The following NCKAP5 variants were observed in gnomAD, a reference collection of about 807,000 sequenced individuals.
The protein encoded by NCKAP5 is NCK associated protein 5, also known as nck-associated protein 5.
A neutral mutation model predicts 167.0 loss-of-function variants in NCKAP5; 92 were observed. That is an observed-to-expected ratio of 0.55 (90% CI 0.47 to 0.66). The LOEUF is 0.66. Among genes scored for constraint, NCKAP5 ranks in the 30% least tolerant of loss-of-function variants. The pLI, the probability that NCKAP5 is intolerant of heterozygous loss-of-function variation, is 0.00. For missense variants in NCKAP5, 2,378 were observed against 2,315.0 expected, an observed-to-expected ratio of 1.03 and a Z score of -0.56; for synonymous variants, 891 against 877.4, an observed-to-expected ratio of 1.02 and a Z score of -0.27.
At chr2:133,325,006 C>A (rs1682333955) in intron 3 of NCKAP5, among the ~76,000 whole-genome samples, 3 of 152,212 alleles carry the variant, frequency 2.0e-5, no homozygotes, top group Non-Finnish European at 4.4e-5. Context: ...CCACGCCCAG[C>A]CTGCCAAGTA....
chr2:132,971,463 T>A (rs1559005052), intron 7 of NCKAP5, among the ~76,000 whole-genome samples: 1 of 152,146 alleles, frequency 6.6e-6, no homozygotes, highest in Non-Finnish European at 1.5e-5. Flanking sequence ...AGTCACTGAA[T>A]GGAATGCCAC....
At chr2:132,815,718 C>G (rs980181106) in intron 11 of NCKAP5, among the ~76,000 whole-genome samples, 1 of 152,068 alleles carries the variant, frequency 6.6e-6, no homozygotes, top group Non-Finnish European at 1.5e-5. Flanking sequence ...TCACAGAAGA[C>G]GTCACCAAGC....
intron 3 of NCKAP5, among the ~76,000 whole-genome samples, chr2:133,500,043 CA>C (rs1682355660): frequency 6.6e-6 from 1 of 152,000 alleles, no homozygotes; most frequent in Non-Finnish European, 1.5e-5. Flanking sequence ...TGCATTCTAT[CA>C]TTTAATCTAA....
chr2:133,132,898 G>C (rs2082662033), intron 5 of NCKAP5, among the ~76,000 whole-genome samples: 1 of 151,986 alleles, frequency 6.6e-6, no homozygotes, highest in Non-Finnish European at 1.5e-5. Flanking sequence ...GGATGGTCTT[G>C]ATCTCCTGAC....
At chr2:133,102,456 T>G (rs2081546575) in intron 6 of NCKAP5, among the ~76,000 whole-genome samples, 1 of 152,160 alleles carries the variant, frequency 6.6e-6, no homozygotes, top group Non-Finnish European at 1.5e-5. Context: ...CTTTCTTTCT[T>G]TCAATACACT....
chr2:132,762,865 A>G (rs1035062531), intron 16 of NCKAP5, among the ~76,000 whole-genome samples: 12 of 152,206 alleles, frequency 7.9e-5, no homozygotes, highest in Non-Finnish European at 8.8e-5. Flanking sequence ...TATCATAACA[A>G]ACCACTGGGG....
chr2:132,808,844 T>TC (rs1396761578), intron 11 of NCKAP5, among the ~76,000 whole-genome samples: 1 of 152,174 alleles, frequency 6.6e-6, no homozygotes, highest in African/African-American at 2.4e-5. Flanking sequence ...CTCTAGTTCC[T>TC]TGAGGTGTGA....
intron 2 of NCKAP5, among the ~76,000 whole-genome samples, chr2:133,540,279 G>A (rs115853772): frequency 0.018 from 2,693 of 152,248 alleles, 91 homozygotes; most frequent in African/African-American, 0.062. Flanking sequence ...ACACATATGA[G>A]AGATGTTTTT....
intron 8 of NCKAP5, among the ~76,000 whole-genome samples, chr2:132,923,582 G>A (rs905261851): frequency 6.6e-5 from 10 of 151,896 alleles, no homozygotes; most frequent in African/African-American, 2.4e-4. Flanking sequence ...CTTCTAATTG[G>A]GACAAAACTG....
At chr2:133,532,938 T>G (rs985751667) in intron 2 of NCKAP5, among the ~76,000 whole-genome samples, 12 of 152,222 alleles carry the variant, frequency 7.9e-5, no homozygotes, top group Non-Finnish European at 1.8e-4. Context: ...AGGTTCATAA[T>G]TTTTCAGAGG....
chr2:133,526,216 GAAGGAAGGAAGAAAGGA>G (rs1684875221), intron 2 of NCKAP5, among the ~76,000 whole-genome samples: 1 of 131,412 alleles, frequency 7.6e-6, no homozygotes, highest in African/African-American at 3.1e-5. Flanking sequence ...AGGAAGGAAG[GAAGGAAGGAAGAAAGGA>G]AAGGAGGGAG....
chr2:132,795,820 G>GAAAAAAAAAACAAAAAAA (rs1684538314), intron 12 of NCKAP5, among the ~76,000 whole-genome samples: 1 of 85,016 alleles, frequency 1.2e-5, no homozygotes, highest in East Asian at 3.2e-4. Context: ...CCCCGTATCA[G>GAAAAAAAAAACAAAAAAA]AAAAAAAAAA....
intron 10 of NCKAP5, among the ~76,000 whole-genome samples, chr2:132,862,778 AC>A (rs374939803): frequency 0.078 from 6,577 of 84,844 alleles, 173 homozygotes; most frequent in East Asian, 0.23. Flanking sequence ...AAAAAAAAAA[AC>A]CAAAAAAAAA....
intron 3 of NCKAP5, among the ~76,000 whole-genome samples, chr2:133,439,718 A>G (rs1574958046): frequency 6.6e-6 from 1 of 152,224 alleles, no homozygotes; most frequent in Admixed American, 6.5e-5. Context: ...GAGTCAGTAT[A>G]CCCCTATAAT....
chr2:133,646,713 T>A, the NCKAP5 span, among the ~76,000 whole-genome samples: 2 of 152,172 alleles, frequency 1.3e-5, no homozygotes, highest in Non-Finnish European at 2.9e-5. Flanking sequence ...ATTACTTTAA[T>A]GGTGGTGGGT....
At chr2:133,329,190 C>T (rs931622004) in intron 3 of NCKAP5, among the ~76,000 whole-genome samples, 1 of 152,146 alleles carries the variant, frequency 6.6e-6, no homozygotes, top group African/African-American at 2.4e-5. Context: ...CTGACAGCAG[C>T]CATCCAGATC....
chr2:133,188,689 G>T (rs2085065414), intron 5 of NCKAP5, among the ~76,000 whole-genome samples: 1 of 152,074 alleles, frequency 6.6e-6, no homozygotes, highest in Admixed American at 6.6e-5. Context: ...TGACTACTGG[G>T]TACGTAATGA....
chr2:132,731,995 C>A lies in NCKAP5; in HGVS notation c.5185G>T (p.Asp1729Tyr), dbSNP rs763969283. 3.7e-6 allele frequency: 6 copies of A among 1,613,728 alleles called. No individual in the cohort carries two copies. The highest frequency in any genetic ancestry group is 5.1e-6 in the Non-Finnish European group (6 of 1,179,846). Residue 1729 changes from aspartate to tyrosine, a missense_variant, in exon 17 of 20, where the codon GAC becomes TAC. Physicochemically the swap from Asp to Tyr is radical, Grantham distance 160. Transcript: ENST00000409261. Reference protein sequence around the residue: ...DSGIGTFPLPDSGNRSTGRYL... With the variant: ...DSGIGTFPLPYSGNRSTGRYL... ...CGTCCTGTCGAGCGATTTCCCGAGT[C>A]TGGGAGTGGAAAGGTTCCGATCCCA...
intron 4 of NCKAP5, among the ~76,000 whole-genome samples, chr2:133,258,009 G>T (rs904900671): frequency 6.6e-6 from 1 of 152,150 alleles, no homozygotes; most frequent in African/African-American, 2.4e-5. Flanking sequence ...TGCAGGAAGC[G>T]CTAAAGACTG....
Sources: allele counts gnomAD v4.1 joint callset (sites outside exome capture counted in the v4.1 genomes callset), GRCh38; gene constraint gnomAD v4.1.1; transcripts MANE v1.5; gene names NCBI Gene and HGNC (gene_info 2026-07-23, HGNC 2026-07-21).